The following POLR1A variants were observed in gnomAD, a reference collection of about 807,000 sequenced individuals.
POLR1A encodes the protein DNA-directed RNA polymerase I subunit RPA1.
POLR1A carries 84 observed loss-of-function variants against 205.3 expected under a neutral mutation model. The ratio of observed to expected loss-of-function variants is 0.41; its 90% CI spans 0.34 to 0.49. The LOEUF is 0.49. Among genes scored for constraint, POLR1A ranks in the 20% least tolerant of loss-of-function variants. The pLI is 0.22. For synonymous variants in POLR1A, 799 were observed against 863.7 expected (o/e 0.93, Z 1.31); for missense variants, 1,645 against 2,204.5 (o/e 0.75, Z 5.08).
At chr2:86,105,358 C>A (rs575447052) in intron 1 of POLR1A, among the ~76,000 whole-genome samples, 12 of 152,274 alleles carry the variant, frequency 7.9e-5, no homozygotes, top group African/African-American at 2.4e-4. Context: ...AGGAAACTTA[C>A]TACGTGCCTA....
At chr2:86,100,249 T>G (rs960701383) in intron 1 of POLR1A, 77 bp from the exon 2 acceptor site, 15 of 1,100,050 alleles carry the variant, frequency 1.4e-5, no homozygotes, top group Non-Finnish European at 2.1e-5. Flanking sequence ...CACAAACCTA[T>G]AGTTAAGTGA....
intron 31 of POLR1A, among the ~76,000 whole-genome samples, chr2:86,029,696 T>A (rs951993386): frequency 2.6e-5 from 4 of 151,592 alleles, no homozygotes; most frequent in Non-Finnish European, 5.9e-5. Flanking sequence ...TCCTGGGTTA[T>A]CGCCATTCTC....
Position 86,027,408 on chromosome 2 carries a change from G to A in POLR1A, c.*15C>T. On this transcript the variant is annotated 3_prime_UTR_variant, in exon 34 of 34. Coordinates refer to ENST00000263857, the MANE Select transcript of POLR1A (RefSeq NM_015425.6). ...AAGGGTCCTTGGAGCTGGGCAGATG[G>A]TGCCGGGGTAGCTGCTATCTCAGAG... 1 of 1,608,344 alleles carries A rather than the reference G, an allele frequency of 6.2e-7. No individual in the cohort carries two copies. Among genetic ancestry groups the A allele is most frequent in the Non-Finnish European group, 8.5e-7 (1 of 1,174,720 alleles).
At chr2:86,035,812 C>A (rs1268882938) in intron 27 of POLR1A, among the ~76,000 whole-genome samples, 2 of 152,244 alleles carry the variant, frequency 1.3e-5, no homozygotes, top group Non-Finnish European at 2.9e-5. Flanking sequence ...CCTGATTCCC[C>A]CAGTTGGGGA....
chr2:86,059,823 C>A (rs1232819951), intron 14 of POLR1A, among the ~76,000 whole-genome samples: 1 of 152,192 alleles, frequency 6.6e-6, no homozygotes, highest in Non-Finnish European at 1.5e-5. Flanking sequence ...ACCTTGGCCT[C>A]CCAAAGTGCT....
In POLR1A at chr2:86,089,902, C is replaced by T. The variant is rs2104429058; in HGVS notation, c.460G>A (p.Ala154Thr). Residue 154 changes from alanine to threonine, a missense_variant, in exon 4 of 34, where the codon GCC becomes ACC. By Grantham distance (58) the Ala-to-Thr change is moderately conservative. Transcript: ENST00000263857. Reference protein sequence around the residue: ...RFLEENPDPSASEIREELEQY... With the variant: ...RFLEENPDPSTSEIREELEQY... Reference sequence around the variant, plus strand: ...TCTAATTCCTCCCGAATTTCAGAGGCAGAGGGATCGGGATTTTCTTCCAGA... The same window carrying T: ...TCTAATTCCTCCCGAATTTCAGAGGTAGAGGGATCGGGATTTTCTTCCAGA... 6.2e-7 allele frequency: 1 copy of T among 1,609,014 alleles called. No homozygotes were observed. Among genetic ancestry groups the T allele is most frequent in the Non-Finnish European group, 8.5e-7 (1 of 1,175,280 alleles).
intron 27 of POLR1A, among the ~76,000 whole-genome samples, chr2:86,037,256 T>TG (rs1472990439): frequency 4.6e-5 from 7 of 152,372 alleles, no homozygotes; most frequent in African/African-American, 1.4e-4. Context: ...CAGCCCAGGC[T>TG]GGCACCAACG....
intron 27 of POLR1A, among the ~76,000 whole-genome samples, chr2:86,034,399 C>T (rs1390578134): frequency 2.0e-5 from 3 of 152,182 alleles, no homozygotes; most frequent in African/African-American, 4.8e-5. Flanking sequence ...ATCAAAATTT[C>T]GAAGGGCAGA....
At chr2:86,031,664 C>A (rs759359941) in intron 29 of POLR1A, 29 bp from the exon 30 acceptor site, 2 of 1,581,908 alleles carry the variant, frequency 1.3e-6, no homozygotes, top group Non-Finnish European at 1.7e-6. Context: ...CAGGCTGTGT[C>A]ACTTGGGGAC....
Position 86,100,068 on chromosome 2 carries a change from T to A in POLR1A, c.182A>T (p.Lys61Ile). Residue 61 changes from lysine to isoleucine, a missense_variant, in exon 2 of 34, where the codon AAA becomes ATA. Around this residue, in one of 16 missense-constraint regions of POLR1A, gnomAD observed 330 missense variants for 375.6 expected, o/e 0.88. Coordinates refer to ENST00000263857, the MANE Select transcript of POLR1A (RefSeq NM_015425.6). ...YDLALGPADS[K>I]EVCSTCVQDF... ...CTGCACGCAGGTGGAGCACACCTCT[T>A]TGGAATCTGCAGGGCCCAAAGCTAA... 6.2e-7 allele frequency: 1 copy of A among 1,614,170 alleles called. No individual in the cohort carries two copies. Among genetic ancestry groups the A allele is most frequent in the South Asian group, 1.1e-5 (1 of 91,082 alleles).
rs1382828109 is a variant in POLR1A, at chr2:86,070,025, A to C, written c.1859T>G (p.Val620Gly). ...CCTCAAGGCCAGACCTACCTTGGGA[A>C]CAAGGTACTGCTGATCAGTGCAGGC... ...VLACTDQQYL[V>G]PKDGQPLAGL... The change falls in exon 13 of 34, where the codon GTT (valine) becomes GGT (glycine). Residue 620 changes from valine to glycine, a missense_variant. Val to Gly is a moderately radical substitution (Grantham distance 109, BLOSUM62 -3). Around this residue, in one of 16 missense-constraint regions of POLR1A, gnomAD observed 24 missense variants for 52.1 expected, o/e 0.46. Transcript: ENST00000263857. The surrounding 1 kb of genome is among the most constrained non-coding windows in gnomAD (Gnocchi z 4.4). The C allele has an allele frequency of 6.2e-7, 1 of 1,613,070 alleles. No individual in the cohort carries two copies. The highest frequency in any genetic ancestry group is 1.1e-5 in the South Asian group (1 of 91,030).
chr2:86,045,949 C>T (rs1255726118), intron 19 of POLR1A, among the ~76,000 whole-genome samples, 180 bp from the exon 20 acceptor site: 1 of 152,164 alleles, frequency 6.6e-6, no homozygotes, highest in African/African-American at 2.4e-5. Context: ...AAAAAAAATA[C>T]CTTCCTTTGG....
rs1673165663 is a variant in POLR1A at position 86,070,865 on chromosome 2, CAT to C, written c.1612-595_1612-594del. Among the ~76,000 whole-genome samples, 1 of 152,020 alleles carries C rather than the reference CAT, an allele frequency of 6.6e-6. No homozygotes were observed. Among genetic ancestry groups the C allele is most frequent in the African/African-American group, 2.4e-5 (1 of 41,396 alleles). ...TCAAAAATTAAGAGCTGTAAATTGT[CAT>C]AGTCTTTTGGGAACAGAGTTTGAAA... On this transcript the variant is annotated intron_variant, in intron 12 of 33. Transcript: ENST00000263857. The surrounding 1 kb of genome is among the most constrained non-coding windows in gnomAD (Gnocchi z 4.4).
At chr2:86,053,025 C>G in intron 15 of POLR1A, 25 bp from the exon 16 acceptor site, 1 of 1,523,296 alleles carries the variant, frequency 6.6e-7, no homozygotes, top group Non-Finnish European at 8.8e-7. Context: ...GCCACCAATG[C>G]CGGGCTGCGG....
At chr2:86,058,470 A>C (rs1428092069) in intron 14 of POLR1A, among the ~76,000 whole-genome samples, 1 of 141,796 alleles carries the variant, frequency 7.1e-6, no homozygotes, top group Non-Finnish European at 1.5e-5. Flanking sequence ...TTGAATTCCT[A>C]GCCTCAAGCA....
Position 86,068,389 on chromosome 2 carries a change from G to GGGC in POLR1A, c.1866+1628_1866+1629insGCC, listed in dbSNP as rs1553436047. Among the ~76,000 whole-genome samples the GGGC allele has an allele frequency of 4.2e-4, 50 of 118,504 alleles. 10 individuals are homozygous for GGGC. Among genetic ancestry groups the GGGC allele is most frequent in the African/African-American group, 1.2e-3 (37 of 31,416 alleles). 77.7% of individuals were successfully genotyped at this position (118,504 alleles called of 152,430 possible). ...CACGCACAGCCAAGCACATGGGCGG[G>GGGC]GGGGGGGGGCGGGTGTCGTCCAAAG... On this transcript the variant is annotated intron_variant, in intron 13 of 33. Transcript: ENST00000263857.
chr2:86,038,553 C>G (rs1251356486), intron 27 of POLR1A, 147 bp downstream of exon 27: 2 of 708,208 alleles, frequency 2.8e-6, no homozygotes, highest in East Asian at 5.4e-5. Context: ...GGCTGCAAGG[C>G]CCTCTGCTTC....
rs187978974 is a variant in POLR1A at position 86,059,410 on chromosome 2, C to A, written c.2059-5121G>T. On this transcript the variant is annotated intron_variant, in intron 14 of 33. Transcript: ENST00000263857. ...ACCAGCCAAATCTGAGGTCCATGTG[C>A]CTGGCCATCAGGAAAATGCATGCTT... Among the ~76,000 whole-genome samples the A allele has an allele frequency of 2.0e-5, 3 of 152,208 alleles. No individual in the cohort carries two copies. In the East Asian group the frequency reaches 5.8e-4, roughly 29 times the overall value.
Position 86,081,358 on chromosome 2 carries a change from T to G in POLR1A, c.923+243A>C, listed in dbSNP as rs540162304. Among the ~76,000 whole-genome samples the G allele has an allele frequency of 3.0e-3, 463 of 152,236 alleles. 2 individuals are homozygous for G. Among genetic ancestry groups the G allele is most frequent in the Non-Finnish European group, 5.3e-3 (359 of 68,022 alleles). ...TTGCAGTAAGTCAAGGTCATGCCAC[T>G]GCACTCCAGCCTGGGAGACAGTGCA... On this transcript the variant is annotated intron_variant, in intron 8 of 33. Transcript: ENST00000263857.
Sources: allele counts gnomAD v4.1 joint callset (sites outside exome capture counted in the v4.1 genomes callset), GRCh38; gene constraint gnomAD v4.1.1; regional missense constraint gnomAD v4.1.1; non-coding constraint Gnocchi (gnomAD v3.1); transcripts MANE v1.5; gene names NCBI Gene and HGNC (gene_info 2026-07-23, HGNC 2026-07-21).